Variants in ANK2 observed in about 807,000 individuals in gnomAD.
The protein encoded by ANK2 is ankyrin 2.
ANK2 carries 83 observed loss-of-function variants against 360.5 expected under a neutral mutation model. The ratio of observed to expected loss-of-function variants is 0.23; its 90% CI spans 0.19 to 0.28. The LOEUF (loss-of-function observed/expected upper bound fraction) is 0.28. Among genes scored for constraint, ANK2 ranks in the 10% least tolerant of loss-of-function variants. The pLI is 1.00. For missense variants in ANK2, 4,201 were observed against 4,795.7 expected, an observed-to-expected ratio of 0.88 and a Z score of 3.66; for synonymous variants, 1,740 against 1,759.5, an observed-to-expected ratio of 0.99 and a Z score of 0.28.
chr4:113,216,198 A>G (rs2099083661), intron 4 of ANK2, among the ~76,000 whole-genome samples: 1 of 152,214 alleles, frequency 6.6e-6, no homozygotes, highest in African/African-American at 2.4e-5. Flanking sequence ...AAAACAGTAT[A>G]AATCTTCATA....
At chr4:112,832,614 T>A (rs1350150501) in intron 1 of ANK2, among the ~76,000 whole-genome samples, 1 of 152,202 alleles carries the variant, frequency 6.6e-6, no homozygotes, top group Non-Finnish European at 1.5e-5. Context: ...ATCCTGATAT[T>A]GTATGATATT....
rs184373389 is a variant in ANK2 at position 113,139,220 on chromosome 4, T to G, written c.85-35196T>G. The stretch of plus-strand genomic sequence containing the variant: ...ATGAACAGTCACACCTCTTCTAAGA[T>G]TGTTGTTCCTGTGGGCACCAAACTT... On this transcript the variant is annotated intron_variant, in intron 1 of 45. Coordinates refer to ENST00000357077, the MANE Select transcript of ANK2 (RefSeq NM_001148.6). Among the ~76,000 whole-genome samples, 1,314 of 152,282 alleles carry G rather than the reference T, an allele frequency of 8.6e-3. 11 individuals are homozygous for G. Among genetic ancestry groups the G allele is most frequent in the South Asian group, 0.016 (77 of 4,822 alleles).
intron 20 of ANK2, among the ~76,000 whole-genome samples, chr4:113,290,508 T>C (rs754982068): frequency 6.6e-6 from 1 of 152,180 alleles, no homozygotes; most frequent in Non-Finnish European, 1.5e-5. Context: ...AACCCTGTTA[T>C]AGCAACTTGG....
chr4:112,805,808 C>G, the ANK2 span, among the ~76,000 whole-genome samples: 1 of 152,112 alleles, frequency 6.6e-6, no homozygotes, highest in Non-Finnish European at 1.5e-5. Flanking sequence ...AACTCCTGAC[C>G]TCGTGATCCA....
chr4:112,906,333 A>T (rs561224862), intron 2 of ANK2, among the ~76,000 whole-genome samples: 39 of 152,298 alleles, frequency 2.6e-4, no homozygotes, highest in South Asian at 8.3e-4. Context: ...ACCAGACCGG[A>T]TTAGTTTGAG....
Position 113,356,689 on chromosome 4 carries a change from C to T in ANK2, c.8071C>T (p.Pro2691Ser). 1 of 1,614,116 alleles carries T rather than the reference C, an allele frequency of 6.2e-7. No homozygotes were observed. Among genetic ancestry groups the T allele is most frequent in the Non-Finnish European group, 8.5e-7 (1 of 1,179,992 alleles). ...LLPEPVIRVQPPSPLPSSMDS... is the reference protein window; with the variant it reads ...LLPEPVIRVQSPSPLPSSMDS... ...ACCAGAACCAGTGATTCGAGTACAACCTCCTTCTCCACTTCCATCAAGCAT... is the reference window on the plus strand; with the variant it reads ...ACCAGAACCAGTGATTCGAGTACAATCTCCTTCTCCACTTCCATCAAGCAT... Residue 2691 changes from proline (P) to serine (S), a missense_variant, in exon 38 of 46, where the codon CCT becomes TCT. Transcript: ENST00000357077.
chr4:113,244,693 G>A (rs2041893884), intron 9 of ANK2, among the ~76,000 whole-genome samples: 1 of 152,054 alleles, frequency 6.6e-6, no homozygotes, highest in Non-Finnish European at 1.5e-5. Flanking sequence ...AGGTATTCAC[G>A]TGCCATGGTG....
chr4:112,860,608 T>G (rs931421581), intron 1 of ANK2, among the ~76,000 whole-genome samples: 1 of 152,186 alleles, frequency 6.6e-6, no homozygotes, highest in Non-Finnish European at 1.5e-5. Flanking sequence ...AAATAATTAC[T>G]AATATTTTTG....
Position 113,356,009 on chromosome 4 carries a change from C to T in ANK2, c.7391C>T (p.Pro2464Leu). 1 of 1,614,132 alleles carries T rather than the reference C, an allele frequency of 6.2e-7. No homozygotes were observed. The highest frequency in any genetic ancestry group is 8.5e-7 in the Non-Finnish European group (1 of 1,179,986). ...GAGCCAAGTCCTCTGAAAGAATCCC[C>T]TTGCCGTGACTCTCTGGAAAGCAGC... ...SLEPSPLKESPCRDSLESSPV... is the reference protein window; with the variant it reads ...SLEPSPLKESLCRDSLESSPV... Residue 2464 changes from proline (P) to leucine (L), a missense_variant, in exon 38 of 46, where the codon CCT (proline) becomes CTT (leucine). Coordinates refer to ENST00000357077, the MANE Select transcript of ANK2 (RefSeq NM_001148.6).
chr4:113,210,639 T>G (rs959536291), intron 4 of ANK2, among the ~76,000 whole-genome samples: 3 of 152,240 alleles, frequency 2.0e-5, no homozygotes, highest in African/African-American at 7.2e-5. Flanking sequence ...TTTGCTTATC[T>G]GTAAAACAGG....
chr4:112,796,899 A>G, the ANK2 span, among the ~76,000 whole-genome samples: 1 of 152,216 alleles, frequency 6.6e-6, no homozygotes, highest in South Asian at 2.1e-4. Flanking sequence ...TTAAATTTTC[A>G]TCACAAAAAG....
the ANK2 span, among the ~76,000 whole-genome samples, chr4:112,718,174 G>A: frequency 7.9e-5 from 12 of 152,234 alleles, no homozygotes; most frequent in South Asian, 4.1e-4. Flanking sequence ...GTTGTTTTCC[G>A]CAATTCTTTT....
At chr4:112,796,292 G>A in the ANK2 span, among the ~76,000 whole-genome samples, 1 of 151,946 alleles carries the variant, frequency 6.6e-6, no homozygotes, top group Non-Finnish European at 1.5e-5. Flanking sequence ...ATGTGGTGGT[G>A]CATGCCTGTA....
chr4:113,358,387 G>T lies in ANK2; in HGVS notation c.9769G>T (p.Asp3257Tyr). 1 of 1,614,074 alleles carries T rather than the reference G, an allele frequency of 6.2e-7. No individual in the cohort carries two copies. The highest frequency in any genetic ancestry group is 8.5e-7 in the Non-Finnish European group (1 of 1,179,952). The change falls in exon 38 of 46, where the codon GAT (aspartate) becomes TAT (tyrosine). Residue 3257 changes from aspartate (D) to tyrosine (Y), a missense_variant. Coordinates refer to ENST00000357077, the MANE Select transcript of ANK2 (RefSeq NM_001148.6). Reference sequence around the variant, plus strand: ...TGAACCAGCTGTACAAGTCCAGTTAGATTTTTCCACACTCACCAGGTCTGT... The same window carrying T: ...TGAACCAGCTGTACAAGTCCAGTTATATTTTTCCACACTCACCAGGTCTGT... ...SSEPAVQVQLDFSTLTRSVYS... is the reference protein window; with the variant it reads ...SSEPAVQVQLYFSTLTRSVYS...
chr4:112,705,649 G>A, the ANK2 span, among the ~76,000 whole-genome samples: 1 of 152,248 alleles, frequency 6.6e-6, no homozygotes, highest in Non-Finnish European at 1.5e-5. Context: ...GCCCGCGGAG[G>A]AGCCTCCTTC....
intron 1 of ANK2, among the ~76,000 whole-genome samples, chr4:113,142,839 G>C (rs13126963): frequency 0.37 from 56,092 of 151,784 alleles, 11,043 homozygotes; most frequent in Non-Finnish European, 0.44. Context: ...TGGTTTTTTC[G>C]TTCTTAACAA....
In ANK2 at chr4:113,057,601, T is replaced by TTA. The variant is rs535603731; in HGVS notation, c.84+7801_84+7802dup. 4.0e-3 allele frequency among the ~76,000 whole-genome samples: 607 copies of TTA among 151,754 alleles called. 6 individuals carry two copies. The highest frequency in any genetic ancestry group is 0.012 in the African/African-American group (510 of 41,430). On this transcript the variant is annotated intron_variant, in intron 1 of 45. Transcript: ENST00000357077. ...TGACTGAGCCTGTGTCCTTCTCCTATTATATATATATATGTTTAATCACTC... is the reference window on the plus strand; with the variant it reads ...TGACTGAGCCTGTGTCCTTCTCCTATTATATATATATATATGTTTAATCACTC...
intron 1 of ANK2, among the ~76,000 whole-genome samples, chr4:112,901,534 G>A (rs1486644511): frequency 6.6e-6 from 1 of 152,080 alleles, no homozygotes; most frequent in African/African-American, 2.4e-5. Context: ...TTTCAGTGTT[G>A]TTTCTTTGCA....
intron 1 of ANK2, among the ~76,000 whole-genome samples, chr4:112,818,582 T>C (rs2149492932): frequency 6.6e-6 from 1 of 152,272 alleles, no homozygotes; most frequent in African/African-American, 2.4e-5. Flanking sequence ...GTGGACTTGG[T>C]GTTCCCTGTA....
Sources: gnomAD v4.1 joint callset for allele counts (sites outside exome capture counted in the v4.1 genomes callset) on GRCh38, gnomAD v4.1.1 for gene constraint, MANE v1.5 for transcripts, NCBI Gene and HGNC (gene_info 2026-07-23, HGNC 2026-07-21) for gene names.